The following CCDC126 variants were observed in gnomAD, a reference collection of about 807,000 sequenced individuals.
The protein encoded by CCDC126 is coiled-coil domain-containing protein 126.
A neutral mutation model predicts 11.7 loss-of-function variants in CCDC126; 5 were observed. That is an observed-to-expected ratio of 0.43 (90% CI 0.22 to 0.90). CCDC126 has a LOEUF of 0.90. CCDC126 is among the 40% of genes least tolerant of loss of function. The probability of loss-of-function intolerance (pLI) is 0.27; values close to 1 mark genes in which losing one functional copy is unlikely to be tolerated. For synonymous variants in CCDC126, 60 were observed against 61.9 expected (o/e 0.97, Z 0.14); for missense variants, 150 against 163.1 (o/e 0.92, Z 0.44).
chr7:23,618,093 T>C (rs545480698), intron 3 of CCDC126, among the ~76,000 whole-genome samples: 1 of 152,306 alleles, frequency 6.6e-6, no homozygotes, highest in Non-Finnish European at 1.5e-5. Flanking sequence ...TGTCCTCTCT[T>C]CATAGAACCA....
At chr7:23,622,501 G>A (rs1199033314) in intron 3 of CCDC126, 7 of 457,068 alleles carry the variant, frequency 1.5e-5, no homozygotes, top group African/African-American at 4.1e-5. Context: ...CCTTAAAAGC[G>A]AAACTGGATT....
intron 3 of CCDC126, among the ~76,000 whole-genome samples, chr7:23,632,094 T>G (rs963332515): frequency 6.2e-4 from 84 of 135,278 alleles, no homozygotes; most frequent in East Asian, 2.0e-3. Context: ...ACCAAGTGGG[T>G]TTTTTTTTTT....
At chr7:23,640,509 T>A (rs181942348) in intron 3 of CCDC126, among the ~76,000 whole-genome samples, 7,507 of 150,418 alleles carry the variant, frequency 0.05, 522 homozygotes, top group African/African-American at 0.15. Flanking sequence ...AAAAAAAAAA[T>A]TTTTTTTTTA....
intron 3 of CCDC126, among the ~76,000 whole-genome samples, chr7:23,614,864 CAT>C (rs1458803522): frequency 6.6e-6 from 1 of 152,194 alleles, no homozygotes; most frequent in Non-Finnish European, 1.5e-5. Context: ...ATTCTGTAAA[CAT>C]ATGTTGTCAC....
intron 3 of CCDC126, among the ~76,000 whole-genome samples, chr7:23,641,289 G>C (rs1034756386): frequency 5.3e-5 from 8 of 151,976 alleles, no homozygotes; most frequent in African/African-American, 1.9e-4. Flanking sequence ...TGTACTTACT[G>C]GCCATTTGCA....
chr7:23,627,004 A>G (rs1184495693), intron 3 of CCDC126, among the ~76,000 whole-genome samples: 1 of 152,008 alleles, frequency 6.6e-6, no homozygotes, highest in African/African-American at 2.4e-5. Context: ...TCTCTGTTGG[A>G]TTCTGTGATT....
At chr7:23,612,077 C>T (rs1423752022) in intron 3 of CCDC126, among the ~76,000 whole-genome samples, 7 of 142,170 alleles carry the variant, frequency 4.9e-5, no homozygotes, top group Non-Finnish European at 7.5e-5. Flanking sequence ...ACCTGGGAGG[C>T]GGAGGTTGCA....
At chr7:23,604,044 G>A (rs1027875687) in intron 2 of CCDC126, 1 of 152,210 alleles carries the variant, frequency 6.6e-6, no homozygotes, top group Admixed American at 6.5e-5. Context: ...CATTCTATCC[G>A]AGGTAAGATT....
chr7:23,635,877 C>T (rs1783199717), intron 3 of CCDC126, among the ~76,000 whole-genome samples: 1 of 146,772 alleles, frequency 6.8e-6, no homozygotes, highest in Non-Finnish European at 1.5e-5. Flanking sequence ...CTCTCCCTCT[C>T]CCTCTCCCTC....
intron 3 of CCDC126, among the ~76,000 whole-genome samples, chr7:23,613,952 T>C (rs1782756676): frequency 6.6e-6 from 1 of 152,250 alleles, no homozygotes; most frequent in African/African-American, 2.4e-5. Context: ...CCAAAAATCA[T>C]CTGAGCCTTC....
chr7:23,641,884 G>A (rs1783364227), intron 3 of CCDC126, among the ~76,000 whole-genome samples: 1 of 152,148 alleles, frequency 6.6e-6, no homozygotes, highest in Non-Finnish European at 1.5e-5. Flanking sequence ...CACTGAACAG[G>A]TTCCTGGCAT....
intron 3 of CCDC126, among the ~76,000 whole-genome samples, chr7:23,633,155 G>A (rs761920321): frequency 6.6e-6 from 1 of 152,122 alleles, no homozygotes; most frequent in Admixed American, 6.6e-5. Flanking sequence ...ACCACACTCA[G>A]CTAATTTTGT....
At chr7:23,641,789 A>AACATTACAAAGAGGTTAG (rs1284676185) in intron 3 of CCDC126, among the ~76,000 whole-genome samples, 1 of 152,228 alleles carries the variant, frequency 6.6e-6, no homozygotes, top group East Asian at 1.9e-4. Context: ...GAAACTCCAT[A>AACATTACAAAGAGGTTAG]ACATTACAAA....
chr7:23,643,941 C>A lies in CCDC126; in HGVS notation c.*826C>A, dbSNP rs1783412804. The A allele has an allele frequency of 6.6e-6, 1 of 152,034 alleles. No homozygotes were observed. 9.4% of individuals were successfully genotyped at this position (152,034 alleles called of 1,614,324 possible). On this transcript the variant is annotated 3_prime_UTR_variant, in exon 4 of 4. Transcript: ENST00000307471. ...TTTAAAAGTTTAATCCTTTGAGTGTCTATGCTATCAGGAAAGCACATTATT... is the reference window on the plus strand; with the variant it reads ...TTTAAAAGTTTAATCCTTTGAGTGTATATGCTATCAGGAAAGCACATTATT...
rs1030193440 is a variant in CCDC126 at position 23,643,368 on chromosome 7, T to C, written c.*253T>C. Reference sequence around the variant, plus strand: ...GAATTTGGTAATTTGGTTGATGTGGTAAGCAGATAGGTGAGTTTTGTATAA... The same window carrying C: ...GAATTTGGTAATTTGGTTGATGTGGCAAGCAGATAGGTGAGTTTTGTATAA... On this transcript the variant is annotated 3_prime_UTR_variant, in exon 4 of 4. Transcript: ENST00000307471. 5 of 338,932 alleles carry C rather than the reference T, an allele frequency of 1.5e-5. No homozygotes were observed. Among genetic ancestry groups the C allele is most frequent in the African/African-American group, 1.1e-4 (5 of 47,462 alleles). The allele number at this position is 338,932 out of a possible 1,614,324, so 21.0% of individuals were successfully genotyped here. A position where few individuals can be genotyped will look rare whatever the true frequency, so the allele number is the denominator to read the frequency against.
chr7:23,626,352 C>G, intron 3 of CCDC126, among the ~76,000 whole-genome samples: 1 of 152,214 alleles, frequency 6.6e-6, no homozygotes, highest in Non-Finnish European at 1.5e-5. Context: ...ATTTAGCCAT[C>G]TATAGAAACC....
intron 3 of CCDC126, among the ~76,000 whole-genome samples, chr7:23,612,016 C>T (rs1310112139): frequency 2.0e-5 from 3 of 151,980 alleles, no homozygotes; most frequent in Non-Finnish European, 2.9e-5. Flanking sequence ...CATGGTGGCA[C>T]GTGCTTGTAG....
At chr7:23,635,262 A>G (rs1783190183) in intron 3 of CCDC126, among the ~76,000 whole-genome samples, 1 of 152,234 alleles carries the variant, frequency 6.6e-6, no homozygotes, top group South Asian at 2.1e-4. Flanking sequence ...TGTGTGATGA[A>G]GCACCAAGCT....
At chr7:23,621,059 C>T (rs552641222) in intron 3 of CCDC126, among the ~76,000 whole-genome samples, 1,594 of 152,216 alleles carry the variant, frequency 0.01, 26 homozygotes, top group African/African-American at 0.034. Context: ...CTTGGCAATG[C>T]GGGCTCTTTT....
Sources: gnomAD v4.1 joint callset for allele counts (sites outside exome capture counted in the v4.1 genomes callset) on GRCh38, gnomAD v4.1.1 for gene constraint, MANE v1.5 for transcripts, NCBI Gene and HGNC (gene_info 2026-07-23, HGNC 2026-07-21) for gene names.